Variants in PCM1 observed in about 807,000 individuals in gnomAD.
The protein encoded by PCM1 is pericentriolar material 1, also known as pericentriolar material 1 protein.
In PCM1, 157 loss-of-function variants were observed where a neutral mutation model predicts 241.9. The ratio of observed to expected loss-of-function variants is 0.65; its 90% CI spans 0.57 to 0.74. The LOEUF is 0.74. Among genes scored for constraint, PCM1 ranks in the 30% least tolerant of loss-of-function variants. The probability of loss-of-function intolerance (pLI) is 0.00; values close to 1 mark genes in which losing one functional copy is unlikely to be tolerated. For missense variants in PCM1, 3,478 were observed against 2,360.1 expected (o/e 1.47, Z -9.81); for synonymous variants, 1,085 against 784.9 (o/e 1.38, Z -6.39).
intron 26 of PCM1, 48 bp downstream of exon 26, chr8:17,986,135 G>A (rs770836365): frequency 1.6e-6 from 2 of 1,247,912 alleles, no homozygotes; most frequent in Middle Eastern, 2.0e-4. Flanking sequence ...TTAGTATGCA[G>A]TAAATAAAAG....
chr8:18,011,119 A>G (rs372961638), intron 32 of PCM1, 118 bp from the exon 33 acceptor site: 28 of 635,104 alleles, frequency 4.4e-5, no homozygotes, highest in East Asian at 3.3e-4. Flanking sequence ...CTAGACTATC[A>G]AAAATGGTTC....
chr8:17,945,373 C>T lies in PCM1; in HGVS notation c.784-1813C>T, dbSNP rs116330532. Among the ~76,000 whole-genome samples, 1,025 of 152,122 alleles carry T rather than the reference C, an allele frequency of 6.7e-3. 11 individuals are homozygous for T. Among genetic ancestry groups the T allele is most frequent in the African/African-American group, 0.023 (959 of 41,510 alleles). On this transcript the variant is annotated intron_variant, in intron 6 of 38. Transcript: ENST00000325083. ...TTAGAGGTTCAAGACAACAGAAAAACCTCTAATAAATATTGGCTTACCAAG... is the reference window on the plus strand; with the variant it reads ...TTAGAGGTTCAAGACAACAGAAAAATCTCTAATAAATATTGGCTTACCAAG...
chr8:18,010,696 A>G, intron 32 of PCM1, 28 bp downstream of exon 32: 1 of 1,548,844 alleles, frequency 6.5e-7, no homozygotes, highest in Non-Finnish European at 8.8e-7. Context: ...TTTGCCTAAA[A>G]ATATGGCTGG....
chr8:17,980,459 T>C (rs1180835561), intron 23 of PCM1, 132 bp from the exon 24 acceptor site: 1 of 617,534 alleles, frequency 1.6e-6, no homozygotes. Flanking sequence ...TTTACTGTTT[T>C]GTATTCTATT....
chr8:18,011,935 T>TTC, intron 34 of PCM1, 108 bp downstream of exon 34: 1 of 981,728 alleles, frequency 1.0e-6, no homozygotes, highest in Non-Finnish European at 1.5e-6. Flanking sequence ...ATATTCAGGT[T>TTC]TCATGAATGC....
At chr8:17,982,286 A>G (rs906584644) in intron 24 of PCM1, among the ~76,000 whole-genome samples, 2 of 152,164 alleles carry the variant, frequency 1.3e-5, no homozygotes, top group African/African-American at 4.8e-5. Context: ...ATCTTCAAAA[A>G]ATAAACAGTC....
At chr8:18,014,095 TAAAAA>T in intron 35 of PCM1, 59 bp downstream of exon 35, 9 of 615,054 alleles carry the variant, frequency 1.5e-5, no homozygotes, top group South Asian at 7.4e-5. Flanking sequence ...GCTTTAAAGC[TAAAAA>T]AAAAAAAAAA....
intron 19 of PCM1, 47 bp downstream of exon 19, chr8:17,966,265 C>T: frequency 6.2e-7 from 1 of 1,607,382 alleles, no homozygotes; most frequent in Non-Finnish European, 8.5e-7. Flanking sequence ...TTTATAACTT[C>T]TGAAGCAATA....
intron 36 of PCM1, among the ~76,000 whole-genome samples, chr8:18,018,065 G>GGAAA (rs1382435756): frequency 6.6e-6 from 1 of 152,172 alleles, no homozygotes; most frequent in Non-Finnish European, 1.5e-5. Context: ...GTCCCTTGGA[G>GGAAA]GAAAGAAAAT....
At chr8:18,002,979 C>T (rs974400401) in intron 29 of PCM1, among the ~76,000 whole-genome samples, 2 of 152,156 alleles carry the variant, frequency 1.3e-5, no homozygotes, top group Non-Finnish European at 2.9e-5. Flanking sequence ...AATACTTCTG[C>T]CTGGAATGCT....
At chr8:17,933,725 A>T (rs1229467628) in intron 2 of PCM1, among the ~76,000 whole-genome samples, 3 of 152,122 alleles carry the variant, frequency 2.0e-5, no homozygotes, top group Admixed American at 6.6e-5. Flanking sequence ...CTAGATTTTT[A>T]AAAAATACCT....
chr8:18,007,382 G>A (rs1033477507), intron 30 of PCM1, among the ~76,000 whole-genome samples: 66 of 152,124 alleles, frequency 4.3e-4, no homozygotes, highest in African/African-American at 3.6e-4. Context: ...TCCTGGCCCC[G>A]TTAGCAGTTA....
At chr8:18,009,213 T>C (rs1175505873) in intron 30 of PCM1, among the ~76,000 whole-genome samples, 1 of 152,228 alleles carries the variant, frequency 6.6e-6, no homozygotes, top group Non-Finnish European at 1.5e-5. Context: ...TAGCACTTAG[T>C]ATTTATTACT....
At chr8:17,937,662 G>T (rs971844018) in intron 4 of PCM1, among the ~76,000 whole-genome samples, 1 of 152,036 alleles carries the variant, frequency 6.6e-6, no homozygotes. Flanking sequence ...TTGCATTTTG[G>T]TAACTGAATA....
chr8:18,028,618 G>C lies in PCM1; in HGVS notation c.*956G>C, dbSNP rs1055715059. The C allele has an allele frequency of 1.9e-5, 4 of 206,980 alleles. No individual in the cohort carries two copies. The Admixed American group carries it at 2.4e-4, about 12-fold the overall frequency. The allele number at this position is 206,980 out of a possible 1,614,324, so 12.8% of individuals were successfully genotyped here. ...AGGTTGAAGCAGATTTGCAGGTGAA[G>C]TATTGAAAGTTTATGTGACTTTAAG... On this transcript the variant is annotated 3_prime_UTR_variant, in exon 39 of 39. Transcript: ENST00000325083.
Position 17,955,598 on chromosome 8 carries a change from G to A in PCM1, c.1417G>A (p.Val473Ile). 1 of 1,613,688 alleles carries A rather than the reference G, an allele frequency of 6.2e-7. No homozygotes were observed. Among genetic ancestry groups the A allele is most frequent in the Non-Finnish European group, 8.5e-7 (1 of 1,179,722 alleles). ...SSVPYPTASL[V>I]SQNESENEGH... ...TGTTCCTTATCCTACTGCTTCTCTAGTATCTCAGAATGAGAGTGAAAACGA... is the reference window on the plus strand; with the variant it reads ...TGTTCCTTATCCTACTGCTTCTCTAATATCTCAGAATGAGAGTGAAAACGA... The change falls in exon 10 of 39, where the codon GTA becomes ATA. Residue 473 changes from valine (V) to isoleucine (I), a missense_variant. Physicochemically the swap from Val to Ile is conservative, Grantham distance 29 (BLOSUM62 3). Transcript: ENST00000325083.
At chr8:18,010,076 G>A (rs921424166) in intron 31 of PCM1, among the ~76,000 whole-genome samples, 27 of 152,194 alleles carry the variant, frequency 1.8e-4, no homozygotes, top group Non-Finnish European at 7.3e-5. Context: ...TGCCATGTCT[G>A]TTATTGATCC....
intron 36 of PCM1, among the ~76,000 whole-genome samples, chr8:18,023,439 A>G (rs547955163): frequency 1.3e-5 from 2 of 152,198 alleles, no homozygotes; most frequent in Non-Finnish European, 2.9e-5. Context: ...CCCTTGAAAA[A>G]AAGTTTTAAT....
At chr8:18,004,190 C>T (rs894237437) in intron 29 of PCM1, among the ~76,000 whole-genome samples, 2 of 152,010 alleles carry the variant, frequency 1.3e-5, no homozygotes, top group Admixed American at 1.3e-4. Flanking sequence ...AACTGTTATA[C>T]AATAAAATAT....
Sources: gnomAD v4.1 joint callset for allele counts (sites outside exome capture counted in the v4.1 genomes callset) on GRCh38, gnomAD v4.1.1 for gene constraint, MANE v1.5 for transcripts, NCBI Gene and HGNC (gene_info 2026-07-23, HGNC 2026-07-21) for gene names.